The following RORA variants were observed in gnomAD, a reference collection of about 807,000 sequenced individuals.
The protein encoded by RORA is RAR related orphan receptor A.
RORA carries 7 observed loss-of-function variants against 69.5 expected under a neutral mutation model. The observed-to-expected ratio is 0.10, with a 90% CI of 0.06 to 0.19. The LOEUF (loss-of-function observed/expected upper bound fraction) is 0.19. RORA is among the 10% of genes least tolerant of loss of function. The pLI, the probability that RORA is intolerant of heterozygous loss-of-function variation, is 1.00. For missense variants in RORA, 457 were observed against 663.0 expected (o/e 0.69, Z 3.41); for synonymous variants, 261 against 240.8 (o/e 1.08, Z -0.78).
At chr15:60,533,044 T>G (rs1485514390) in intron 2 of RORA, among the ~76,000 whole-genome samples, 1 of 152,224 alleles carries the variant, frequency 6.6e-6, no homozygotes, top group South Asian at 2.1e-4. Context: ...TCCCATATCC[T>G]GGGATGATTT....
chr15:60,949,432 C>T (rs1893011850), intron 1 of RORA, among the ~76,000 whole-genome samples: 1 of 152,170 alleles, frequency 6.6e-6, no homozygotes, highest in African/African-American at 2.4e-5. Context: ...GTGTTCCCTC[C>T]CCACTCCATT....
At chr15:60,645,857 T>A (rs2140684652) in intron 2 of RORA, among the ~76,000 whole-genome samples, 2 of 152,076 alleles carry the variant, frequency 1.3e-5, no homozygotes, top group African/African-American at 4.8e-5. Flanking sequence ...CATACATATA[T>A]ACAGCATATA....
chr15:60,642,528 G>C (rs1026855586), intron 2 of RORA, among the ~76,000 whole-genome samples: 1 of 152,166 alleles, frequency 6.6e-6, no homozygotes, highest in African/African-American at 2.4e-5. Flanking sequence ...AGTCAGCTAT[G>C]TCCTTCCTAC....
Position 60,574,948 on chromosome 15 carries a change from C to T in RORA, c.197-43097G>A, listed in dbSNP as rs947172034. 3.9e-5 allele frequency among the ~76,000 whole-genome samples: 6 copies of T among 151,978 alleles called. No individual in the cohort carries two copies. The East Asian group carries it at 5.8e-4, about 15-fold the overall frequency. On this transcript the variant is annotated intron_variant, in intron 2 of 10. Coordinates refer to ENST00000335670, the MANE Select transcript of RORA (RefSeq NM_134261.3). ...GTCACCCGGAAGAGCCAGGAGAGAACGGGACAGAAGATCAAACTACTGAGT... is the reference window on the plus strand; with the variant it reads ...GTCACCCGGAAGAGCCAGGAGAGAATGGGACAGAAGATCAAACTACTGAGT...
chr15:60,746,405 C>A (rs142255346), intron 1 of RORA, among the ~76,000 whole-genome samples: 1 of 152,038 alleles, frequency 6.6e-6, no homozygotes, highest in African/African-American at 2.4e-5. Context: ...TGTATAGTCA[C>A]CGCTTACAAC....
At chr15:60,672,672 T>A (rs1426742489) in intron 2 of RORA, among the ~76,000 whole-genome samples, 1 of 152,224 alleles carries the variant, frequency 6.6e-6, no homozygotes, top group African/African-American at 2.4e-5. Context: ...CTAAGCTACT[T>A]GTCTCTCATG....
chr15:60,935,911 G>A (rs1297113410), intron 1 of RORA, among the ~76,000 whole-genome samples: 5 of 152,352 alleles, frequency 3.3e-5, no homozygotes, highest in Middle Eastern at 3.4e-3. Flanking sequence ...CTTGTTTACT[G>A]CAGACAGAAG....
chr15:60,930,206 A>G (rs1892336245), intron 1 of RORA, among the ~76,000 whole-genome samples: 1 of 152,140 alleles, frequency 6.6e-6, no homozygotes, highest in African/African-American at 2.4e-5. Context: ...ATACAGACGA[A>G]AAAGCTCAAC....
chr15:61,112,381 G>A (rs1339513515), intron 1 of RORA, among the ~76,000 whole-genome samples: 1 of 152,162 alleles, frequency 6.6e-6, no homozygotes, highest in East Asian at 1.9e-4. Flanking sequence ...AAGAGGGAGA[G>A]TAGGAGAGTG....
intron 1 of RORA, among the ~76,000 whole-genome samples, chr15:60,783,291 C>T (rs558439934): frequency 1.2e-4 from 19 of 152,126 alleles, no homozygotes; most frequent in African/African-American, 4.1e-4. Context: ...CTAGGAGGCC[C>T]TTAAAACAGC....
intron 1 of RORA, among the ~76,000 whole-genome samples, chr15:61,168,139 TAC>T (rs1190111963): frequency 2.7e-5 from 4 of 150,192 alleles, no homozygotes; most frequent in African/African-American, 9.7e-5. Flanking sequence ...CATACATATA[TAC>T]ACATATATAC....
At chr15:60,848,719 G>A (rs1307496752) in intron 1 of RORA, 4 of 153,770 alleles carry the variant, frequency 2.6e-5, no homozygotes, top group South Asian at 2.0e-4. Context: ...TACGTCTTAC[G>A]TGGTGGAGCA....
chr15:60,502,597 A>G (rs1043232385), intron 8 of RORA, among the ~76,000 whole-genome samples, 163 bp downstream of exon 8: 26 of 152,166 alleles, frequency 1.7e-4, no homozygotes, highest in Non-Finnish European at 3.4e-4. Flanking sequence ...TTTGAGCTAT[A>G]TGACTTTTCT....
At chr15:60,888,151 G>A (rs966902675) in intron 1 of RORA, among the ~76,000 whole-genome samples, 1 of 152,098 alleles carries the variant, frequency 6.6e-6, no homozygotes, top group Non-Finnish European at 1.5e-5. Flanking sequence ...CTGTCTCATC[G>A]GCTGGATGCA....
At position 60,907,471 on chromosome 15, in the gene RORA, T is replaced by G. The variant is rs540577308; in HGVS notation, c.167-228785A>C. ...ATTCCCTCTCTGGGCTCCGTGCTCT[T>G]GATTACATAACAAGCTAGATTAGAA... On this transcript the variant is annotated intron_variant, in intron 1 of 10. Transcript: ENST00000335670. Among the ~76,000 whole-genome samples, 8 of 152,348 alleles carry G rather than the reference T, an allele frequency of 5.3e-5. No individual in the cohort carries two copies. The South Asian group carries it at 1.4e-3, about 28-fold the overall frequency.
Position 60,531,095 on chromosome 15 carries a change from A to T in RORA, c.282+671T>A, listed in dbSNP as rs2066513742. On this transcript the variant is annotated intron_variant, in intron 3 of 10. Coordinates refer to ENST00000335670, the MANE Select transcript of RORA (RefSeq NM_134261.3). The surrounding 1 kb of genome is among the most constrained non-coding windows in gnomAD (Gnocchi z 4.8). ...CAAGGTCAGAAATAATAAAATAGTC[A>T]TAGCAGAAATAATACTGATAATATT... is the stretch of plus-strand genomic sequence containing the variant. 1 of 152,308 alleles carries T rather than the reference A, an allele frequency of 6.6e-6. No homozygotes were observed. The highest frequency in any genetic ancestry group is 2.4e-5 in the African/African-American group (1 of 41,464). The allele number at this position is 152,308 out of a possible 1,614,324, so 9.4% of individuals were successfully genotyped here.
At chr15:60,570,122 G>A (rs1210855223) in intron 2 of RORA, among the ~76,000 whole-genome samples, 1 of 152,172 alleles carries the variant, frequency 6.6e-6, no homozygotes, top group Non-Finnish European at 1.5e-5. Context: ...CGAGACAAGA[G>A]AGAAGATAGC....
chr15:60,713,061 T>G (rs1055241803), intron 1 of RORA, among the ~76,000 whole-genome samples: 2 of 152,210 alleles, frequency 1.3e-5, no homozygotes, highest in Non-Finnish European at 2.9e-5. Flanking sequence ...TTACTTTTTT[T>G]CAGACTGTGG....
At chr15:60,718,669 C>T (rs1454606317) in intron 1 of RORA, among the ~76,000 whole-genome samples, 1 of 152,116 alleles carries the variant, frequency 6.6e-6, no homozygotes, top group Non-Finnish European at 1.5e-5. Flanking sequence ...ACACAAAGCT[C>T]GGGTAACAAG....
Sources: allele counts gnomAD v4.1 joint callset (sites outside exome capture counted in the v4.1 genomes callset), GRCh38; gene constraint gnomAD v4.1.1; non-coding constraint Gnocchi (gnomAD v3.1); transcripts MANE v1.5; gene names NCBI Gene and HGNC (gene_info 2026-07-23, HGNC 2026-07-21).